The following ABCC4 variants were observed in gnomAD, a reference collection of about 807,000 sequenced individuals.
ABCC4 encodes ATP-binding cassette sub-family C member 4.
In ABCC4, 102 loss-of-function variants were observed where a neutral mutation model predicts 168.5. The ratio of observed to expected loss-of-function variants is 0.61; its 90% confidence interval spans 0.52 to 0.71. The LOEUF (loss-of-function observed/expected upper bound fraction) is 0.71, where lower values mean the gene tolerates loss of function less well. ABCC4 is among the 30% of genes least tolerant of loss of function. The pLI, the probability that ABCC4 is intolerant of heterozygous loss-of-function variation, is 0.00. For missense variants in ABCC4, 1,402 were observed against 1,605.8 expected (o/e 0.87, Z 2.17); for synonymous variants, 617 against 590.7 (o/e 1.04, Z -0.65).
chr13:95,233,444 T>A (rs933344652), intron 4 of ABCC4, among the ~76,000 whole-genome samples: 4 of 151,716 alleles, frequency 2.6e-5, no homozygotes, highest in Non-Finnish European at 5.9e-5. Context: ...TGGGAGGTAA[T>A]CATTGGGTAC....
At chr13:95,275,519 C>T (rs2040950457) in intron 1 of ABCC4, among the ~76,000 whole-genome samples, 1 of 152,150 alleles carries the variant, frequency 6.6e-6, no homozygotes, top group Admixed American at 6.5e-5. Flanking sequence ...TGGCTTTGAA[C>T]ATGAAACCAA....
intron 27 of ABCC4, among the ~76,000 whole-genome samples, chr13:95,052,469 G>T (rs2032883527): frequency 6.6e-6 from 1 of 151,930 alleles, no homozygotes; most frequent in East Asian, 1.9e-4. Flanking sequence ...TTCATGCAAG[G>T]GTGAGAAAAT....
chr13:95,212,232 CAAAG>C (rs2138681464), intron 4 of ABCC4, among the ~76,000 whole-genome samples: 1 of 147,534 alleles, frequency 6.8e-6, no homozygotes, highest in East Asian at 2.0e-4. Flanking sequence ...TCGTAAAATA[CAAAG>C]AAAGAAGAAA....
intron 27 of ABCC4, among the ~76,000 whole-genome samples, chr13:95,051,853 C>T (rs1456943270): frequency 6.7e-6 from 1 of 150,336 alleles, no homozygotes; most frequent in Non-Finnish European, 1.5e-5. Context: ...TTTTAGTAGA[C>T]ACAGGGTTTC....
intron 1 of ABCC4, among the ~76,000 whole-genome samples, chr13:95,270,904 G>A (rs1356581014): frequency 6.6e-6 from 1 of 152,158 alleles, no homozygotes; most frequent in Non-Finnish European, 1.5e-5. Flanking sequence ...GACTATCCTG[G>A]TTAACATGGT....
chr13:95,124,097 T>C (rs2035668373), intron 19 of ABCC4, among the ~76,000 whole-genome samples: 1 of 151,922 alleles, frequency 6.6e-6, no homozygotes, highest in South Asian at 2.1e-4. Flanking sequence ...AAGGATCAGG[T>C]GTTGAGGGCC....
intron 19 of ABCC4, 120 bp from the exon 20 acceptor site, chr13:95,116,121 T>TA: frequency 1.6e-6 from 1 of 637,274 alleles, no homozygotes; most frequent in Non-Finnish European, 2.5e-6. Flanking sequence ...ATTATTCATA[T>TA]GAAATAAGCC....
At chr13:95,257,008 T>C (rs2040409417) in intron 1 of ABCC4, among the ~76,000 whole-genome samples, 1 of 152,178 alleles carries the variant, frequency 6.6e-6, no homozygotes, top group African/African-American at 2.4e-5. Context: ...AATTGATCCT[T>C]GAACAATGCA....
At chr13:95,178,365 C>G (rs2037779093) in intron 11 of ABCC4, among the ~76,000 whole-genome samples, 1 of 152,214 alleles carries the variant, frequency 6.6e-6, no homozygotes, top group Admixed American at 6.5e-5. Flanking sequence ...TTTTGAGCAG[C>G]AACTCCTTGT....
intron 1 of ABCC4, among the ~76,000 whole-genome samples, chr13:95,288,246 A>G (rs927104111): frequency 6.6e-6 from 1 of 152,252 alleles, no homozygotes; most frequent in East Asian, 1.9e-4. Flanking sequence ...GGCTGTCACA[A>G]TAACTAGCTT....
intron 4 of ABCC4, among the ~76,000 whole-genome samples, chr13:95,216,435 C>T (rs954757532): frequency 6.6e-6 from 1 of 151,976 alleles, no homozygotes; most frequent in Non-Finnish European, 1.5e-5. Flanking sequence ...CAAAATAGTT[C>T]TACCATGAGA....
At chr13:95,062,634 T>A (rs765416793) in intron 26 of ABCC4, 70 bp downstream of exon 26, 124 of 1,375,858 alleles carry the variant, frequency 9.0e-5, no homozygotes, top group Non-Finnish European at 1.2e-4. Flanking sequence ...AAAAAAGCAA[T>A]AAGAGTAAAA....
chr13:95,065,599 T>G (rs2033503218), intron 25 of ABCC4, among the ~76,000 whole-genome samples: 1 of 152,170 alleles, frequency 6.6e-6, no homozygotes, highest in Non-Finnish European at 1.5e-5. Flanking sequence ...AATATTTTGC[T>G]ATTGTAAATA....
At chr13:95,165,679 C>G (rs968171287) in intron 15 of ABCC4, among the ~76,000 whole-genome samples, 2 of 152,150 alleles carry the variant, frequency 1.3e-5, no homozygotes, top group Admixed American at 1.3e-4. Flanking sequence ...TAACATAAAC[C>G]ATCTGACAAC....
Position 95,075,543 on chromosome 13 carries a change from G to T in ABCC4, c.2695C>A (p.Pro899Thr). 1 of 1,614,032 alleles carries T rather than the reference G, an allele frequency of 6.2e-7. No homozygotes were observed. The change falls in exon 22 of 31, where the codon CCA becomes ACA. Residue 899 changes from proline to threonine, a missense_variant. Pro to Thr is a conservative substitution (Grantham distance 38). Transcript: ENST00000645237. The stretch of plus-strand genomic sequence containing the variant: ...GAAGATGATAAGTGGGAAAACACTG[G>T]ACTCCGAGCTGGGGAAACAGACAGA... ...VKRLESTTRSPVFSHLSSSLQ... is the reference protein window; with the variant it reads ...VKRLESTTRSTVFSHLSSSLQ...
intron 11 of ABCC4, among the ~76,000 whole-genome samples, chr13:95,183,608 A>T (rs928309077): frequency 6.6e-6 from 1 of 152,236 alleles, no homozygotes; most frequent in Non-Finnish European, 1.5e-5. Context: ...GTAATGTGAC[A>T]AGTCCAAAGT....
intron 19 of ABCC4, among the ~76,000 whole-genome samples, chr13:95,155,696 G>A (rs531110648): frequency 6.6e-6 from 1 of 152,248 alleles, no homozygotes; most frequent in Admixed American, 6.5e-5. Context: ...CACACTGGCT[G>A]TAACCCAATA....
chr13:95,068,486 ATGGCAGCG>A (rs2033621583), intron 25 of ABCC4, among the ~76,000 whole-genome samples: 1 of 151,872 alleles, frequency 6.6e-6, no homozygotes, highest in Non-Finnish European at 1.5e-5. Flanking sequence ...TTAGCCAGGC[ATGGCAGCG>A]GGTGCCTGTA....
At chr13:95,096,359 T>C (rs1467587318) in intron 20 of ABCC4, among the ~76,000 whole-genome samples, 1 of 152,136 alleles carries the variant, frequency 6.6e-6, no homozygotes, top group Non-Finnish European at 1.5e-5. Flanking sequence ...CAGTCTAACA[T>C]ACTATCATTT....
Sources: gnomAD v4.1 joint callset for allele counts (sites outside exome capture counted in the v4.1 genomes callset) on GRCh38, gnomAD v4.1.1 for gene constraint, MANE v1.5 for transcripts, NCBI Gene and HGNC (gene_info 2026-07-23, HGNC 2026-07-21) for gene names.